DNAJC6: variants seen among roughly 807,000 people sequenced by gnomAD.
The protein encoded by DNAJC6 is DnaJ heat shock protein family (Hsp40) member C6, also known as auxilin.
A neutral mutation model predicts 110.0 loss-of-function variants in DNAJC6; 34 were observed. The ratio of observed to expected loss-of-function variants is 0.31; its 90% CI spans 0.24 to 0.41. DNAJC6 has a LOEUF of 0.41. Ranked by LOEUF, DNAJC6 falls within the 10% of genes least tolerant of loss-of-function variation. DNAJC6 has a pLI of 1.00. For synonymous variants in DNAJC6, 406 were observed against 437.2 expected (o/e 0.93, Z 0.89); for missense variants, 1,031 against 1,207.8 (o/e 0.85, Z 2.17).
chr1:65,347,535 T>C (rs1355516268), intron 1 of DNAJC6, among the ~76,000 whole-genome samples: 1 of 152,076 alleles, frequency 6.6e-6, no homozygotes, highest in African/African-American at 2.4e-5. Flanking sequence ...TTCTATATTA[T>C]AGATATATAT....
chr1:65,273,961 A>G (rs1214325596), intron 1 of DNAJC6, among the ~76,000 whole-genome samples: 1 of 152,124 alleles, frequency 6.6e-6, no homozygotes, highest in African/African-American at 2.4e-5. Context: ...CATGTTCTAT[A>G]TATGTTAATT....
intron 6 of DNAJC6, among the ~76,000 whole-genome samples, chr1:65,384,594 C>A (rs941173706): frequency 6.6e-6 from 1 of 152,104 alleles, no homozygotes; most frequent in African/African-American, 2.4e-5. Context: ...TACATGGTGG[C>A]GGGGAAGAGA....
intron 13 of DNAJC6, among the ~76,000 whole-genome samples, chr1:65,398,359 A>T (rs866886757): frequency 2.0e-5 from 3 of 152,312 alleles, no homozygotes; most frequent in Middle Eastern, 6.8e-3. Flanking sequence ...TTATGCTTCT[A>T]TACTTAATGC....
intron 11 of DNAJC6, among the ~76,000 whole-genome samples, chr1:65,392,138 T>C (rs549080166): frequency 2.0e-4 from 31 of 152,244 alleles, no homozygotes; most frequent in Non-Finnish European, 2.9e-5. Flanking sequence ...AGAAGTAAAG[T>C]AACTTGCCCA....
intron 4 of DNAJC6, among the ~76,000 whole-genome samples, chr1:65,369,312 C>T (rs1243303790): frequency 2.0e-5 from 3 of 152,154 alleles, no homozygotes; most frequent in Non-Finnish European, 4.4e-5. Context: ...GATTTGCCTA[C>T]ATCTCTTTTC....
At chr1:65,328,966 T>C (rs1645264568) in intron 1 of DNAJC6, among the ~76,000 whole-genome samples, 1 of 152,214 alleles carries the variant, frequency 6.6e-6, no homozygotes, top group African/African-American at 2.4e-5. Context: ...GGTCAGGTGC[T>C]TCTTTGTGCC....
intron 1 of DNAJC6, among the ~76,000 whole-genome samples, chr1:65,318,399 C>A (rs1016311091): frequency 6.6e-6 from 1 of 152,068 alleles, no homozygotes; most frequent in Non-Finnish European, 1.5e-5. Flanking sequence ...GAAAAGAGGG[C>A]AAAATGTGAA....
intron 1 of DNAJC6, among the ~76,000 whole-genome samples, chr1:65,275,683 C>T (rs550498283): frequency 9.2e-5 from 14 of 152,144 alleles, no homozygotes; most frequent in African/African-American, 3.4e-4. Context: ...TTCTGGGACT[C>T]CGGGTACCTT....
Position 65,389,627 on chromosome 1 carries a change from G to T in DNAJC6, c.1468G>T (p.Asp490Tyr). 1.9e-6 allele frequency: 3 copies of T among 1,613,802 alleles called. No homozygotes were observed. The highest frequency in any genetic ancestry group is 2.5e-6 in the Non-Finnish European group (3 of 1,179,726). Residue 490 changes from aspartate (D) to tyrosine (Y), a missense_variant and splice_region_variant, in exon 11 of 19, where the codon GAT becomes TAT. Asp to Tyr is a radical substitution (Grantham distance 160, BLOSUM62 -3). Transcript: ENST00000371069. ...SGFFASLCWQDQKSEKSFCEE... is the reference protein window; with the variant it reads ...SGFFASLCWQYQKSEKSFCEE... ...TTTCTTTGCCTCTCTCTGTTGGCAA[G>T]GTATTTACAAGTGTTTCTTTAAGTC...
chr1:65,332,501 C>A (rs542424800), intron 1 of DNAJC6, among the ~76,000 whole-genome samples: 1 of 152,172 alleles, frequency 6.6e-6, no homozygotes, highest in East Asian at 1.9e-4. Context: ...TTATTTATTA[C>A]GGAAGGAGAG....
At chr1:65,332,068 G>T (rs1645293787) in intron 1 of DNAJC6, among the ~76,000 whole-genome samples, 1 of 152,194 alleles carries the variant, frequency 6.6e-6, no homozygotes, top group African/African-American at 2.4e-5. Context: ...GCCTGAGTTT[G>T]CCAGCTTTGC....
intron 1 of DNAJC6, among the ~76,000 whole-genome samples, chr1:65,304,480 T>C (rs1489493368): frequency 6.6e-6 from 1 of 152,226 alleles, no homozygotes; most frequent in Non-Finnish European, 1.5e-5. Flanking sequence ...ACTGTAGCAC[T>C]TAAATGACTA....
chr1:65,296,552 C>A lies in DNAJC6; in HGVS notation c.-131+31620C>A, dbSNP rs142795114. Among the ~76,000 whole-genome samples the A allele has an allele frequency of 5.7e-4, 87 of 151,820 alleles. 1 individual carries two copies. Among genetic ancestry groups the A allele is most frequent in the Non-Finnish European group, 9.6e-4 (65 of 67,968 alleles). On this transcript the variant is annotated intron_variant, in intron 1 of 19. Transcript: ENST00000263441. The stretch of plus-strand genomic sequence containing the variant: ...TTCATAGGTTGTTGACTGACTCTGC[C>A]CAGTGGCAGTAGTTATTCATTCATT...
At chr1:65,270,860 G>T (rs542461329) in intron 1 of DNAJC6, among the ~76,000 whole-genome samples, 1 of 152,140 alleles carries the variant, frequency 6.6e-6, no homozygotes, top group African/African-American at 2.4e-5. Context: ...TGTATTTTTA[G>T]TAGAGTCAGG....
chr1:65,390,905 C>T (rs370199582), intron 11 of DNAJC6, among the ~76,000 whole-genome samples: 11 of 152,230 alleles, frequency 7.2e-5, no homozygotes, highest in South Asian at 2.1e-4. Flanking sequence ...TTCCTCACAG[C>T]GAGGGCTTTT....
At chr1:65,397,938 G>C (rs978529803) in intron 13 of DNAJC6, among the ~76,000 whole-genome samples, 1 of 152,136 alleles carries the variant, frequency 6.6e-6, no homozygotes, top group Admixed American at 6.5e-5. Flanking sequence ...GTGCGTGTGT[G>C]TGTGTTTTAA....
Position 65,414,426 on chromosome 1 carries a change from T to TGCTA in DNAJC6, c.*1402_*1405dup, listed in dbSNP as rs1246827516. The TGCTA allele has an allele frequency of 6.5e-6, 1 of 152,686 alleles. No homozygotes were observed. Among genetic ancestry groups the TGCTA allele is most frequent in the East Asian group, 1.9e-4 (1 of 5,202 alleles). 9.5% of individuals were successfully genotyped at this position (152,686 alleles called of 1,614,324 possible). A position where few individuals can be genotyped will look rare whatever the true frequency, so the allele number is the denominator to read the frequency against. ...AAGCAGATGGGCAAAAAGATTTTCA[T>TGCTA]GCTAATCTTCAAAGGTTCATGCTCA... On this transcript the variant is annotated 3_prime_UTR_variant, in exon 19 of 19. Coordinates refer to ENST00000371069, the MANE Select transcript of DNAJC6 (RefSeq NM_001256864.2).
intron 7 of DNAJC6, among the ~76,000 whole-genome samples, chr1:65,386,251 G>A (rs894922943): frequency 1.3e-5 from 2 of 152,220 alleles, no homozygotes; most frequent in Non-Finnish European, 2.9e-5. Context: ...AGGTTTCTAA[G>A]TGAGCAACTA....
At chr1:65,412,168 C>G (rs958011122) in intron 18 of DNAJC6, among the ~76,000 whole-genome samples, 8 of 152,122 alleles carry the variant, frequency 5.3e-5, no homozygotes, top group Non-Finnish European at 1.0e-4. Context: ...TAAATTTGCC[C>G]TCTCTTGATT....
Sources: gnomAD v4.1 joint callset for allele counts (sites outside exome capture counted in the v4.1 genomes callset) on GRCh38, gnomAD v4.1.1 for gene constraint, MANE v1.5 for transcripts, NCBI Gene and HGNC (gene_info 2026-07-23, HGNC 2026-07-21) for gene names.